MARCHF8: variants seen among roughly 807,000 people sequenced by gnomAD.
MARCHF8 encodes the protein membrane associated ring-CH-type finger 8, also known as E3 ubiquitin-protein ligase MARCHF8.
In MARCHF8, 40 loss-of-function variants were observed where a neutral mutation model predicts 51.6. The observed-to-expected ratio is 0.77, with a 90% CI of 0.60 to 1.01. The LOEUF (loss-of-function observed/expected upper bound fraction) is 1.01. MARCHF8 is among the 50% of genes least tolerant of loss of function. The pLI is 0.00. For synonymous variants in MARCHF8, 263 were observed against 280.3 expected, an observed-to-expected ratio of 0.94 and a Z score of 0.62; for missense variants, 685 against 708.6, an observed-to-expected ratio of 0.97 and a Z score of 0.38.
At chr10:45,587,334 TGAC>T (rs1464916856) in intron 1 of MARCHF8, among the ~76,000 whole-genome samples, 1 of 152,104 alleles carries the variant, frequency 6.6e-6, no homozygotes, top group Non-Finnish European at 1.5e-5. Flanking sequence ...CTATTTACAA[TGAC>T]ATTAAAAATG....
chr10:45,469,864 C>CAAAAAAA (rs55832920), intron 3 of MARCHF8, among the ~76,000 whole-genome samples: 6 of 57,036 alleles, frequency 1.1e-4, no homozygotes, highest in East Asian at 6.9e-4. Context: ...GACTCCGTCT[C>CAAAAAAA]AAAAAAAAAA....
chr10:45,484,707 G>T (rs1433914099), intron 3 of MARCHF8, among the ~76,000 whole-genome samples: 1 of 152,158 alleles, frequency 6.6e-6, no homozygotes, highest in Non-Finnish European at 1.5e-5. Flanking sequence ...AAAGAGAAAT[G>T]AGTTAGGAAT....
At chr10:45,490,114 G>T (rs554319029) in intron 2 of MARCHF8, among the ~76,000 whole-genome samples, 23 of 152,224 alleles carry the variant, frequency 1.5e-4, no homozygotes, top group African/African-American at 4.3e-4. Context: ...TTCTCAGCTA[G>T]AATTCTTGAA....
At chr10:45,560,681 T>C (rs77651228) in intron 1 of MARCHF8, among the ~76,000 whole-genome samples, 9,379 of 152,244 alleles carry the variant, frequency 0.062, 327 homozygotes, top group Non-Finnish European at 0.066. Context: ...TTTTTTCTCC[T>C]GTCGTTCAGC....
rs1842863312 is a variant in MARCHF8, at chr10:45,463,506, C to T, written c.733G>A (p.Glu245Lys). ...KGGRPGLLLE[E>K]KADGEATSRS... Reference sequence around the variant, plus strand: ...GACGTGGCCTCACCATCCGCCTTCTCTTCCAGCAGCAGGCCGGGCCTGCCC... The same window carrying T: ...GACGTGGCCTCACCATCCGCCTTCTTTTCCAGCAGCAGGCCGGGCCTGCCC... Residue 245 changes from glutamate to lysine, a missense_variant, in exon 5 of 8, where the codon GAG becomes AAG. Coordinates refer to ENST00000453424, the MANE Select transcript of MARCHF8 (RefSeq NM_001282866.2). 2 of 1,550,646 alleles carry T rather than the reference C, an allele frequency of 1.3e-6. No homozygotes were observed. Among genetic ancestry groups the T allele is most frequent in the African/African-American group, 2.7e-5 (2 of 73,192 alleles).
intron 1 of MARCHF8, among the ~76,000 whole-genome samples, chr10:45,552,026 C>T (rs1287211050): frequency 6.6e-6 from 1 of 152,134 alleles, no homozygotes; most frequent in Admixed American, 6.5e-5. Context: ...CTACAGTCTT[C>T]TGTACCATCA....
chr10:45,469,337 G>A (rs1843081434), intron 3 of MARCHF8, among the ~76,000 whole-genome samples: 1 of 152,110 alleles, frequency 6.6e-6, no homozygotes, highest in African/African-American at 2.4e-5. Flanking sequence ...TAAAATAACA[G>A]GTGATTGATG....
chr10:45,563,597 TA>T (rs2133372255), intron 1 of MARCHF8, among the ~76,000 whole-genome samples: 1 of 152,218 alleles, frequency 6.6e-6, no homozygotes, highest in African/African-American at 2.4e-5. Context: ...GAAAAAACCT[TA>T]ATTGTATTTT....
At chr10:45,472,449 G>A (rs766959584) in intron 3 of MARCHF8, among the ~76,000 whole-genome samples, 1 of 152,186 alleles carries the variant, frequency 6.6e-6, no homozygotes, top group Non-Finnish European at 1.5e-5. Context: ...GTTGGCCACA[G>A]GACCTCCTTA....
intron 2 of MARCHF8, among the ~76,000 whole-genome samples, chr10:45,528,656 T>A (rs2043829938): frequency 6.6e-6 from 1 of 152,136 alleles, no homozygotes; most frequent in African/African-American, 2.4e-5. Flanking sequence ...TGAGGAGGAA[T>A]CAGTAGCATT....
chr10:45,513,186 C>A (rs532164961), intron 2 of MARCHF8, among the ~76,000 whole-genome samples: 34 of 151,198 alleles, frequency 2.2e-4, no homozygotes, highest in Admixed American at 6.6e-4. Flanking sequence ...ACCCTGCCAA[C>A]TCCCCCTCTG....
chr10:45,581,372 T>C (rs937460533), intron 1 of MARCHF8, among the ~76,000 whole-genome samples: 3 of 152,084 alleles, frequency 2.0e-5, no homozygotes, highest in African/African-American at 4.8e-5. Context: ...CACAGTACAA[T>C]TCAGCAGGAA....
At position 45,501,000 on chromosome 10, in the gene MARCHF8, G is replaced by A. The variant is rs117796793; in HGVS notation, c.103-11583C>T. On this transcript the variant is annotated intron_variant, in intron 2 of 7. Coordinates refer to ENST00000453424, the MANE Select transcript of MARCHF8 (RefSeq NM_001282866.2). ...AAACATGAATCTGATTGCTGATGCTGCAAAAAAAATTGATCAAAAATGATC... is the reference window on the plus strand; with the variant it reads ...AAACATGAATCTGATTGCTGATGCTACAAAAAAAATTGATCAAAAATGATC... Among the ~76,000 whole-genome samples the A allele has an allele frequency of 1.3e-4, 20 of 151,936 alleles. No homozygotes were observed. In the East Asian group the frequency reaches 3.9e-3, roughly 29 times the overall value.
chr10:45,523,796 A>C (rs972669299), intron 2 of MARCHF8, among the ~76,000 whole-genome samples: 4 of 152,166 alleles, frequency 2.6e-5, no homozygotes, highest in African/African-American at 9.7e-5. Context: ...GCACAACCAG[A>C]CAAGACTCTT....
rs1171712571 is a variant in MARCHF8 at position 45,562,412 on chromosome 10, G to T, written c.-78-29123C>A. On this transcript the variant is annotated intron_variant, in intron 1 of 6. Coordinates refer to the MARCHF8 transcript ENST00000319836. Reference sequence around the variant, plus strand: ...TTTTAAAACACAGAGAGTAAAGACAGAAGACAGACTACTACAATTAGCTCA... The same window carrying T: ...TTTTAAAACACAGAGAGTAAAGACATAAGACAGACTACTACAATTAGCTCA... Among the ~76,000 whole-genome samples, 3 of 152,140 alleles carry T rather than the reference G, an allele frequency of 2.0e-5. No individual in the cohort carries two copies. In the East Asian group the frequency reaches 5.8e-4, roughly 29 times the overall value.
chr10:45,586,787 C>T (rs555779500), intron 1 of MARCHF8, among the ~76,000 whole-genome samples: 2 of 151,158 alleles, frequency 1.3e-5, no homozygotes, highest in Admixed American at 6.6e-5. Context: ...TTTTTTTTAC[C>T]GATTTTGCAA....
intron 1 of MARCHF8, among the ~76,000 whole-genome samples, chr10:45,560,869 A>G (rs2044302829): frequency 6.6e-6 from 1 of 152,218 alleles, no homozygotes; most frequent in South Asian, 2.1e-4. Context: ...TTATTCTTAA[A>G]GAACACTGAT....
At chr10:45,491,638 A>G (rs985831284) in intron 2 of MARCHF8, among the ~76,000 whole-genome samples, 3 of 152,246 alleles carry the variant, frequency 2.0e-5, no homozygotes, top group African/African-American at 7.2e-5. Flanking sequence ...CTCTGTCCAG[A>G]GAACAAGTAA....
chr10:45,475,502 T>C (rs1466476352), intron 3 of MARCHF8, among the ~76,000 whole-genome samples: 1 of 152,318 alleles, frequency 6.6e-6, no homozygotes, highest in Non-Finnish European at 1.5e-5. Context: ...AACCTGAGCA[T>C]ACTGCCTGGG....
Sources: gnomAD v4.1 joint callset for allele counts (sites outside exome capture counted in the v4.1 genomes callset) on GRCh38, gnomAD v4.1.1 for gene constraint, MANE v1.5 for transcripts, NCBI Gene and HGNC (gene_info 2026-07-23, HGNC 2026-07-21) for gene names.